DOCK3: variants seen among roughly 807,000 people sequenced by gnomAD.
The protein encoded by DOCK3 is dedicator of cytokinesis 3.
Under a neutral mutation model 265.6 loss-of-function variants are expected in DOCK3, and 60 were observed. That is an observed-to-expected ratio of 0.23 (90% confidence interval 0.18 to 0.28). The LOEUF is 0.28. DOCK3 is among the 10% of genes least tolerant of loss of function. The pLI, the probability that DOCK3 is intolerant of heterozygous loss-of-function variation, is 1.00. For missense variants in DOCK3, 1,981 were observed against 2,594.3 expected (o/e 0.76, Z 5.14); for synonymous variants, 881 against 938.0 (o/e 0.94, Z 1.11).
chr3:50,898,906 C>T (rs1405029331), intron 4 of DOCK3, among the ~76,000 whole-genome samples: 1 of 152,068 alleles, frequency 6.6e-6, no homozygotes. Flanking sequence ...ATTATGTGAT[C>T]GATTTCAGAA....
chr3:50,797,497 G>A (rs2042852788), intron 2 of DOCK3, among the ~76,000 whole-genome samples: 1 of 152,212 alleles, frequency 6.6e-6, no homozygotes, highest in Admixed American at 6.5e-5. Context: ...CAGCAGATGA[G>A]ACCTAAGGCG....
chr3:50,741,866 G>A (rs1325808218), intron 1 of DOCK3, among the ~76,000 whole-genome samples: 2 of 152,148 alleles, frequency 1.3e-5, no homozygotes, highest in Non-Finnish European at 1.5e-5. Context: ...TTCCACAAGG[G>A]TTGAACTAGT....
intron 4 of DOCK3, among the ~76,000 whole-genome samples, chr3:50,928,939 A>C (rs1304332558): frequency 6.6e-6 from 1 of 152,192 alleles, no homozygotes; most frequent in Non-Finnish European, 1.5e-5. Flanking sequence ...CTTTACTATA[A>C]AACACACTTT....
chr3:50,799,690 G>A (rs1451694678), intron 2 of DOCK3, among the ~76,000 whole-genome samples: 1 of 152,050 alleles, frequency 6.6e-6, no homozygotes, highest in African/African-American at 2.4e-5. Flanking sequence ...CAGTTTTGAT[G>A]CCTCTTATTT....
intron 9 of DOCK3, among the ~76,000 whole-genome samples, chr3:51,102,503 TA>T (rs1455440229): frequency 1.3e-5 from 2 of 152,182 alleles, no homozygotes; most frequent in Non-Finnish European, 2.9e-5. Flanking sequence ...AAATGATGTT[TA>T]AAAACAAAGT....
intron 5 of DOCK3, among the ~76,000 whole-genome samples, chr3:50,949,165 G>A (rs375737910): frequency 1.3e-5 from 2 of 152,050 alleles, no homozygotes; most frequent in Non-Finnish European, 2.9e-5. Flanking sequence ...AAAAGCTGAC[G>A]TTTTGGACTC....
chr3:51,353,949 T>G (rs929255654), intron 40 of DOCK3, among the ~76,000 whole-genome samples: 1 of 152,174 alleles, frequency 6.6e-6, no homozygotes, highest in Non-Finnish European at 1.5e-5. Flanking sequence ...AGCTATGACA[T>G]AGGCAGAGCA....
chr3:51,205,038 G>T (rs1035073622), intron 12 of DOCK3, among the ~76,000 whole-genome samples: 16 of 151,950 alleles, frequency 1.1e-4, no homozygotes, highest in African/African-American at 3.6e-4. Context: ...AGGGGGGAGG[G>T]ATAGCATTGG....
intron 12 of DOCK3, among the ~76,000 whole-genome samples, chr3:51,185,610 T>C (rs1423236391): frequency 6.6e-6 from 1 of 152,206 alleles, no homozygotes; most frequent in African/African-American, 2.4e-5. Context: ...GTAACTGATA[T>C]GGCTTGGCTC....
chr3:50,794,136 A>G (rs1041912897), intron 2 of DOCK3, among the ~76,000 whole-genome samples: 1 of 151,980 alleles, frequency 6.6e-6, no homozygotes, highest in Non-Finnish European at 1.5e-5. Flanking sequence ...TTTGCTGAGG[A>G]GTGTTTTGTG....
At position 51,270,933 on chromosome 3, in the gene DOCK3, T is replaced by C; in HGVS notation, c.2474T>C (p.Ile825Thr). 1.9e-6 allele frequency: 3 copies of C among 1,614,000 alleles called. No individual in the cohort carries two copies. The highest frequency in any genetic ancestry group is 2.5e-6 in the Non-Finnish European group (3 of 1,179,898). Residue 825 changes from isoleucine (I) to threonine (T), a missense_variant, in exon 24 of 53, where the codon ATT (isoleucine) becomes ACT (threonine). By Grantham distance (89) the Ile-to-Thr change is moderately conservative (BLOSUM62 -1). Coordinates refer to ENST00000266037, the MANE Select transcript of DOCK3 (RefSeq NM_004947.5). ...TLGSMPSTVHIGQSMDVVKLQ... is the reference protein window; with the variant it reads ...TLGSMPSTVHTGQSMDVVKLQ... ...GGGAGCATGCCCAGCACTGTGCACA[T>C]TGGGCAGTCAATGGACGTGGTCAAG...
At chr3:50,789,908 AT>A (rs2042376419) in intron 2 of DOCK3, among the ~76,000 whole-genome samples, 1 of 151,886 alleles carries the variant, frequency 6.6e-6, no homozygotes, top group South Asian at 2.1e-4. Context: ...TAATTTTTGT[AT>A]TTTTAGTAGA....
intron 7 of DOCK3, among the ~76,000 whole-genome samples, chr3:51,087,383 A>G (rs2082465530): frequency 6.6e-6 from 1 of 152,248 alleles, no homozygotes; most frequent in Non-Finnish European, 1.5e-5. Context: ...AAGGACAAAA[A>G]CAATATGATC....
intron 5 of DOCK3, among the ~76,000 whole-genome samples, chr3:50,996,152 G>T (rs148377121): frequency 2.0e-5 from 3 of 151,998 alleles, no homozygotes; most frequent in African/African-American, 7.2e-5. Flanking sequence ...GTGATTACAG[G>T]CATGAGCCAC....
chr3:50,918,999 A>C (rs1393479424), intron 4 of DOCK3, among the ~76,000 whole-genome samples: 1 of 152,202 alleles, frequency 6.6e-6, no homozygotes, highest in Admixed American at 6.5e-5. Context: ...TTTTCCTAGC[A>C]CCATTTATTA....
chr3:51,271,064 CA>C, intron 24 of DOCK3, 57 bp downstream of exon 24: 1 of 1,528,694 alleles, frequency 6.5e-7, no homozygotes, highest in Admixed American at 2.0e-5. Flanking sequence ...TCCTTCCTTC[CA>C]GGGGTGATAG....
intron 5 of DOCK3, among the ~76,000 whole-genome samples, chr3:50,986,903 T>C (rs2077924367): frequency 1.3e-5 from 2 of 152,232 alleles, no homozygotes; most frequent in Admixed American, 6.5e-5. Context: ...GAAAGCAGCG[T>C]GCTGCTATGA....
chr3:51,044,111 A>G (rs1399398368), intron 5 of DOCK3, among the ~76,000 whole-genome samples: 2 of 152,212 alleles, frequency 1.3e-5, no homozygotes, highest in South Asian at 4.1e-4. Context: ...ATTTTATGAT[A>G]AAGACACATG....
At chr3:51,288,391 CAAAAAAAAA>C (rs35390396) in intron 27 of DOCK3, among the ~76,000 whole-genome samples, 1 of 87,226 alleles carries the variant, frequency 1.1e-5, no homozygotes, top group African/African-American at 4.4e-5. Flanking sequence ...GACTCCGTCT[CAAAAAAAAA>C]AAAAAAAAAA....
Sources: gnomAD v4.1 joint callset for allele counts (sites outside exome capture counted in the v4.1 genomes callset) on GRCh38, gnomAD v4.1.1 for gene constraint, MANE v1.5 for transcripts, NCBI Gene and HGNC (gene_info 2026-07-23, HGNC 2026-07-21) for gene names.